NRAP: variants seen among roughly 807,000 people sequenced by gnomAD.
NRAP encodes nebulin-related-anchoring protein.
In NRAP, 189 loss-of-function variants were observed where a neutral mutation model predicts 225.9. The observed-to-expected ratio is 0.84, with a 90% CI of 0.74 to 0.94. The LOEUF (loss-of-function observed/expected upper bound fraction) is 0.94, where lower values mean the gene tolerates loss of function less well. Among genes scored for constraint, NRAP ranks in the 40% least tolerant of loss-of-function variants. The pLI is 0.00. For synonymous variants in NRAP, 769 were observed against 790.7 expected (o/e 0.97, Z 0.46); for missense variants, 2,176 against 2,168.7 (o/e 1.00, Z -0.07).
intron 4 of NRAP, among the ~76,000 whole-genome samples, chr10:113,656,170 G>A (rs986940186): frequency 1.3e-5 from 2 of 152,118 alleles, no homozygotes; most frequent in Admixed American, 6.5e-5. Flanking sequence ...GCTGCTTGGA[G>A]GCTTCATCTG....
At chr10:113,651,763 A>G (rs1485836000) in intron 7 of NRAP, 40 bp downstream of exon 7, 1 of 1,204,002 alleles carries the variant, frequency 8.3e-7, no homozygotes, top group South Asian at 1.2e-5. Flanking sequence ...AATCAACCCA[A>G]ATGCCCATCA....
intron 2 of NRAP, among the ~76,000 whole-genome samples, 188 bp downstream of exon 2, chr10:113,663,164 T>G (rs1176434035): frequency 6.6e-6 from 1 of 152,242 alleles, no homozygotes; most frequent in Non-Finnish European, 1.5e-5. Context: ...TGGAAGAAAT[T>G]TGAAGTTTTG....
chr10:113,612,360 C>T lies in NRAP; in HGVS notation c.3372G>A (p.Val1124=), dbSNP rs1158128344. ...FHLPLDMAAL[V]HAKKAQTLAS... is the part of the protein sequence containing the mutation. Reference sequence around the variant, plus strand: ...CCAGGGTCTGAGCCTTCTTGGCATGCACCAGGGCGGCCATGTCCAACGGCA... The same window carrying T: ...CCAGGGTCTGAGCCTTCTTGGCATGTACCAGGGCGGCCATGTCCAACGGCA... The change falls in exon 30 of 42, where the codon GTG becomes GTA. Residue 1124 remains valine (V), a synonymous_variant. Transcript: ENST00000359988. 3 of 1,614,174 alleles carry T rather than the reference C, an allele frequency of 1.9e-6. No individual in the cohort carries two copies. Among genetic ancestry groups the T allele is most frequent in the South Asian group, 1.1e-5 (1 of 91,070 alleles).
intron 25 of NRAP, among the ~76,000 whole-genome samples, chr10:113,620,321 C>T (rs532033884): frequency 2.0e-5 from 3 of 152,240 alleles, no homozygotes; most frequent in Non-Finnish European, 4.4e-5. Context: ...TCCTGTGTTG[C>T]TTCATTAAAA....
At chr10:113,604,023 G>A (rs935493521) in intron 35 of NRAP, among the ~76,000 whole-genome samples, 4 of 152,148 alleles carry the variant, frequency 2.6e-5, no homozygotes, top group Non-Finnish European at 4.4e-5. Flanking sequence ...TAGTATAACA[G>A]GAGTTTCCTG....
chr10:113,627,424 G>C (rs1443255614), intron 20 of NRAP, among the ~76,000 whole-genome samples: 1 of 152,198 alleles, frequency 6.6e-6, no homozygotes, highest in African/African-American at 2.4e-5. Context: ...AGGTAATACA[G>C]GAAATGAGAT....
rs11196398 is a variant in NRAP at position 113,622,305 on chromosome 10, T to C, written c.2458-125A>G. The C allele has an allele frequency of 2.2e-3, 1,464 of 667,422 alleles. 19 individuals are homozygous for C. In the African/African-American group the frequency reaches 0.024, roughly 11 times the overall value. The allele number at this position is 667,422 out of a possible 1,614,324, so 41.3% of individuals were successfully genotyped here. On this transcript the variant is annotated intron_variant, in intron 23 of 41. Transcript: ENST00000359988. ...GAATCCTATTAGAATTAGAATCATA[T>C]GAAAGTTTGCCTTTTTGAGCATCCG...
intron 3 of NRAP, among the ~76,000 whole-genome samples, chr10:113,661,367 C>T (rs1453569880): frequency 6.6e-6 from 1 of 152,104 alleles, no homozygotes; most frequent in Non-Finnish European, 1.5e-5. Context: ...AATAAGGTAT[C>T]TTGGCAGCAT....
intron 31 of NRAP, among the ~76,000 whole-genome samples, chr10:113,610,176 C>A (rs561607325): frequency 3.5e-4 from 53 of 151,812 alleles, no homozygotes; most frequent in Non-Finnish European, 6.5e-4. Flanking sequence ...ATGGTGAAAC[C>A]CCATCTCTAC....
In NRAP at chr10:113,645,836, G is replaced by A; in HGVS notation, c.1099C>T (p.Leu367Phe). Residue 367 changes from leucine to phenylalanine, a missense_variant, in exon 11 of 42, where the codon CTC becomes TTC. Transcript: ENST00000359988. ...TCCCCCATACGCACCTCACTCACGA[G>A]TTTGTTTACGCTCTGAGCCTGTTTG... The part of the protein sequence containing the change: ...VLKQAQSVNK[L>F]VSEVEYKKDL... 6.3e-7 allele frequency: 1 copy of A among 1,584,402 alleles called. No individual in the cohort carries two copies. The highest frequency in any genetic ancestry group is 8.7e-7 in the Non-Finnish European group (1 of 1,155,240).
At chr10:113,609,209 G>T (rs1847180767) in intron 31 of NRAP, among the ~76,000 whole-genome samples, 1 of 152,080 alleles carries the variant, frequency 6.6e-6, no homozygotes, top group East Asian at 1.9e-4. Context: ...TTTAAAATAG[G>T]TGTGCCTACA....
intron 11 of NRAP, among the ~76,000 whole-genome samples, chr10:113,644,454 T>C (rs902712381): frequency 7.2e-5 from 11 of 152,228 alleles, no homozygotes; most frequent in Admixed American, 2.0e-4. Flanking sequence ...AACTCTGCCC[T>C]TGTAGCTCCA....
At chr10:113,599,973 T>C (rs894761772) in intron 35 of NRAP, among the ~76,000 whole-genome samples, 8 of 152,130 alleles carry the variant, frequency 5.3e-5, no homozygotes, top group African/African-American at 1.9e-4. Context: ...CAGCTTTCAG[T>C]CCCTGAGTTC....
intron 38 of NRAP, among the ~76,000 whole-genome samples, chr10:113,594,086 G>A (rs1055875735): frequency 7.9e-5 from 12 of 152,168 alleles, no homozygotes; most frequent in Admixed American, 2.6e-4. Flanking sequence ...TTCCGTAGGC[G>A]CTTTGATTTG....
At chr10:113,597,328 C>A in intron 36 of NRAP, 144 bp from the exon 37 acceptor site, 1 of 616,552 alleles carries the variant, frequency 1.6e-6, no homozygotes. Context: ...AGGTACCTAA[C>A]AATCAAGAGT....
chr10:113,612,206 C>T (rs1203164873), intron 30 of NRAP, 28 bp downstream of exon 30: 1 of 1,594,728 alleles, frequency 6.3e-7, no homozygotes. Flanking sequence ...GAAGAAGGGG[C>T]CCTGAGAAAG....
intron 3 of NRAP, among the ~76,000 whole-genome samples, chr10:113,659,052 C>T (rs1850497712): frequency 6.6e-6 from 1 of 152,042 alleles, no homozygotes; most frequent in Non-Finnish European, 1.5e-5. Context: ...TCCAGGGTTG[C>T]TACTGCTTAA....
chr10:113,624,867 G>A lies in NRAP; in HGVS notation c.2308C>T (p.Leu770Phe), dbSNP rs766692322. Reference sequence around the variant, plus strand: ...GCATTGGCTCGGGCCTGCAGGAAGAGAGGCTCGTCTTTGCTGATGGTATAC... The same window carrying A: ...GCATTGGCTCGGGCCTGCAGGAAGAAAGGCTCGTCTTTGCTGATGGTATAC... The part of the protein sequence containing the change: ...HQYTISKDEP[L>F]FLQARANAAN... The change falls in exon 22 of 42, where the codon CTC (leucine) becomes TTC (phenylalanine). Residue 770 changes from leucine to phenylalanine, a missense_variant. Leu to Phe is a conservative substitution (Grantham distance 22). Around this residue, in one of 3 missense-constraint regions of NRAP, gnomAD observed 1,708 missense variants for 1,695.5 expected, o/e 1.01. Coordinates refer to ENST00000359988, the MANE Select transcript of NRAP (RefSeq NM_198060.4). The A allele has an allele frequency of 1.9e-6, 3 of 1,614,168 alleles. No individual in the cohort carries two copies. In the South Asian group the frequency reaches 3.3e-5, roughly 18 times the overall value.
intron 38 of NRAP, among the ~76,000 whole-genome samples, chr10:113,595,197 T>C (rs1846220376): frequency 6.6e-6 from 1 of 152,200 alleles, no homozygotes; most frequent in South Asian, 2.1e-4. Flanking sequence ...TTGCAGCATC[T>C]TTCCAAACTG....
Sources: allele counts gnomAD v4.1 joint callset (sites outside exome capture counted in the v4.1 genomes callset), GRCh38; gene constraint gnomAD v4.1.1; regional missense constraint gnomAD v4.1.1; transcripts MANE v1.5; gene names NCBI Gene and HGNC (gene_info 2026-07-23, HGNC 2026-07-21).